The following MED21 variants were observed in gnomAD, a reference collection of about 807,000 sequenced individuals.
The protein encoded by MED21 is mediator of RNA polymerase II transcription subunit 21.
MED21 carries 9 observed loss-of-function variants against 18.2 expected under a neutral mutation model. The ratio of observed to expected loss-of-function variants is 0.49; its 90% CI spans 0.30 to 0.86. The LOEUF (loss-of-function observed/expected upper bound fraction) is 0.86, where lower values mean the gene tolerates loss of function less well. MED21 is among the 40% of genes least tolerant of loss of function. The pLI, the probability that MED21 is intolerant of heterozygous loss-of-function variation, is 0.07. For synonymous variants in MED21, 73 were observed against 60.5 expected (o/e 1.21, Z -0.96); for missense variants, 150 against 170.9 (o/e 0.88, Z 0.68).
intron 1 of MED21, among the ~76,000 whole-genome samples, chr12:27,023,593 G>A (rs1322145149): frequency 6.6e-6 from 1 of 151,902 alleles, no homozygotes; most frequent in Non-Finnish European, 1.5e-5. Context: ...CACCGTGCCC[G>A]GCCTACAAGT....
Position 27,026,540 on chromosome 12 carries a change from CAGGTTTTCTT to C in MED21, c.157+9_157+18del. 6.3e-7 allele frequency: 1 copy of C among 1,585,006 alleles called. No homozygotes were observed. Among genetic ancestry groups the C allele is most frequent in the Non-Finnish European group, 8.7e-7 (1 of 1,154,676 alleles). ...GCCAGCTAACCCTACAGAAGGTAAA[CAGGTTTTCTT>C]AGCTTCTCTTAGTTTGACTCTCACA... On this transcript the variant is annotated splice_region_variant and intron_variant, in intron 2 of 3. Transcript: ENST00000282892.
rs1164187937 is a variant in MED21, at chr12:27,029,623, T to C, written c.*1162T>C. The C allele has an allele frequency of 1.5e-5, 15 of 985,322 alleles. No homozygotes were observed. The highest frequency in any genetic ancestry group is 1.7e-5 in the African/African-American group (1 of 57,254). 61.0% of individuals were successfully genotyped at this position (985,322 alleles called of 1,614,324 possible). A position where few individuals can be genotyped will look rare whatever the true frequency, so the allele number is the denominator to read the frequency against. The stretch of plus-strand genomic sequence containing the variant: ...TTTCCACAGTTCTTGAAAAGTACTA[T>C]GTTTCAAATTTCAGGAACACCAGCG... On this transcript the variant is annotated 3_prime_UTR_variant, in exon 4 of 4. Coordinates refer to ENST00000282892, the MANE Select transcript of MED21 (RefSeq NM_004264.5).
chr12:27,035,629 C>T (rs1423419080), downstream of MED21, among the ~76,000 whole-genome samples: 1 of 139,654 alleles, frequency 7.2e-6, no homozygotes, highest in African/African-American at 2.7e-5. Context: ...TGATGTTCCC[C>T]TTCCTGTGTC....
Position 27,022,574 on chromosome 12 carries a change from A to G in MED21, c.-6A>G, listed in dbSNP as rs757778090. 5 of 1,546,430 alleles carry G rather than the reference A, an allele frequency of 3.2e-6. No individual in the cohort carries two copies. In the South Asian group the frequency reaches 3.5e-5, roughly 11 times the overall value. ...TGTTTTGGCGTCTGTTTGCTGCGGT[A>G]GGAACATGGCGGATCGGCTCACGCA... On this transcript the variant is annotated 5_prime_UTR_variant, in exon 1 of 4. Coordinates refer to ENST00000282892, the MANE Select transcript of MED21 (RefSeq NM_004264.5).
At chr12:27,038,079 C>G (rs1276184859) in intron 2 of MED21, 1 of 152,092 alleles carries the variant, frequency 6.6e-6, no homozygotes, top group Non-Finnish European at 1.5e-5. Flanking sequence ...CACATCTACT[C>G]ATCTTTAAGC....
In MED21 at chr12:27,029,418, T is replaced by C; in HGVS notation, c.*957T>C. ...GATCTCTTTGAGTCTACTGATAATC[T>C]CCACTGGAAAGGTGGAATTGAAATG... On this transcript the variant is annotated 3_prime_UTR_variant, in exon 4 of 4. Coordinates refer to ENST00000282892, the MANE Select transcript of MED21 (RefSeq NM_004264.5). 4 of 985,460 alleles carry C rather than the reference T, an allele frequency of 4.1e-6. No individual in the cohort carries two copies. Among genetic ancestry groups the C allele is most frequent in the Non-Finnish European group, 4.8e-6 (4 of 829,924 alleles). 61.0% of individuals were successfully genotyped at this position (985,460 alleles called of 1,614,324 possible).
chr12:27,037,586 C>G (rs1941657490), intron 2 of MED21: 1 of 152,138 alleles, frequency 6.6e-6, no homozygotes, highest in Admixed American at 6.5e-5. Context: ...AAATTAGAGA[C>G]AGTGGGTATT....
intron 1 of MED21, chr12:27,023,005 C>T (rs947820524): frequency 2.5e-6 from 2 of 801,232 alleles, no homozygotes; most frequent in South Asian, 2.5e-5. Flanking sequence ...TTTTTTCTTT[C>T]CTCATCAATT....
chr12:27,036,842 C>A (rs1403327611), intron 2 of MED21, among the ~76,000 whole-genome samples: 2 of 152,086 alleles, frequency 1.3e-5, no homozygotes, highest in Non-Finnish European at 2.9e-5. Flanking sequence ...GTTACTGTAG[C>A]CTTGTAGTAT....
At chr12:27,024,293 GT>G (rs142775396) in intron 1 of MED21, among the ~76,000 whole-genome samples, 97 of 150,474 alleles carry the variant, frequency 6.4e-4, no homozygotes, top group Non-Finnish European at 1.2e-3. Flanking sequence ...TTCCTTGCCA[GT>G]TTTTTTTTTC....
At position 27,030,121 on chromosome 12, in the gene MED21, A is replaced by AGT. The variant is rs1321841583; in HGVS notation, c.*1661_*1662dup. On this transcript the variant is annotated 3_prime_UTR_variant, in exon 4 of 4. Transcript: ENST00000282892. ...ATGTGATTCTCTGTAGAGGATATAC[A>AGT]GTTTTTTTTTGTTGTTCTTGTTTCT... 1 of 607,798 alleles carries AGT rather than the reference A, an allele frequency of 1.6e-6. No homozygotes were observed. The allele number at this position is 607,798 out of a possible 1,614,324, so 37.7% of individuals were successfully genotyped here.
chr12:27,025,411 T>C (rs898756895), intron 1 of MED21, among the ~76,000 whole-genome samples: 2 of 152,214 alleles, frequency 1.3e-5, no homozygotes, highest in African/African-American at 4.8e-5. Flanking sequence ...GTTGGAGATT[T>C]ATCTTGAAGA....
Position 27,026,656 on chromosome 12 carries a change from T to C in MED21, c.157+122T>C, listed in dbSNP as rs934153995. The C allele has an allele frequency of 5.2e-6, 4 of 762,204 alleles. No homozygotes were observed. The African/African-American group carries it at 5.4e-5, about 10-fold the overall frequency. The allele number at this position is 762,204 out of a possible 1,614,324, so 47.2% of individuals were successfully genotyped here. A position where few individuals can be genotyped will look rare whatever the true frequency, so the allele number is the denominator to read the frequency against. ...TAAAATTATTGTTGTTTGAGAATAT[T>C]ACAAGTTTTGTTTGTTGTAAAAAAT... On this transcript the variant is annotated intron_variant, in intron 2 of 3. Transcript: ENST00000282892.
At position 27,023,592 on chromosome 12, in the gene MED21, C is replaced by T. The variant is rs984941820; in HGVS notation, c.42+971C>T. On this transcript the variant is annotated intron_variant, in intron 1 of 3. Coordinates refer to ENST00000282892, the MANE Select transcript of MED21 (RefSeq NM_004264.5). ...GATTACAGGTGTGAGCCACCGTGCC[C>T]GGCCTACAAGTCCTTTTTAATGTCT... Among the ~76,000 whole-genome samples, 20 of 152,096 alleles carry T rather than the reference C, an allele frequency of 1.3e-4. 1 individual carries two copies. Among genetic ancestry groups the T allele is most frequent in the Admixed American group, 9.8e-4 (15 of 15,280 alleles).
In MED21 at chr12:27,036,081, A is replaced by C. The variant is rs187085736; in HGVS notation, n.146+8634A>C. The stretch of plus-strand genomic sequence containing the variant: ...TAGTGTAAAACTATTCCTATTTCTC[A>C]ACATCCTCTCCAGCACCTGTTGTTT... On this transcript the variant is annotated intron_variant and non_coding_transcript_variant, in intron 2 of 4. Transcript: ENST00000538186. Among the ~76,000 whole-genome samples, 363 of 152,208 alleles carry C rather than the reference A, an allele frequency of 2.4e-3. 1 individual carries two copies. The highest frequency in any genetic ancestry group is 8.0e-3 in the African/African-American group (331 of 41,526).
In MED21 at chr12:27,028,570, T is replaced by G; in HGVS notation, c.*109T>G. The G allele has an allele frequency of 7.1e-7, 1 of 1,417,608 alleles. No homozygotes were observed. Among genetic ancestry groups the G allele is most frequent in the Non-Finnish European group, 9.2e-7 (1 of 1,081,290 alleles). 87.8% of individuals were successfully genotyped at this position (1,417,608 alleles called of 1,614,324 possible). A position where few individuals can be genotyped will look rare whatever the true frequency, so the allele number is the denominator to read the frequency against. ...CAACAATTACAGAAACATTAAACAC[T>G]ATGACACATTACCTTTTTAGCTATT... On this transcript the variant is annotated 3_prime_UTR_variant, in exon 4 of 4. Coordinates refer to ENST00000282892, the MANE Select transcript of MED21 (RefSeq NM_004264.5).
Position 27,030,246 on chromosome 12 carries a change from C to T in MED21, c.*1785C>T. 1.6e-6 allele frequency: 1 copy of T among 620,172 alleles called. No individual in the cohort carries two copies. Among genetic ancestry groups the T allele is most frequent in the Admixed American group, 2.4e-5 (1 of 41,108 alleles). 38.4% of individuals were successfully genotyped at this position (620,172 alleles called of 1,614,324 possible). Reference sequence around the variant, plus strand: ...CTGGGTTCAGGTGATCCTCCCACTTCAGCCTCTTCAGTAACTGGGACTACA... The same window carrying T: ...CTGGGTTCAGGTGATCCTCCCACTTTAGCCTCTTCAGTAACTGGGACTACA... On this transcript the variant is annotated 3_prime_UTR_variant, in exon 4 of 4. Coordinates refer to ENST00000282892, the MANE Select transcript of MED21 (RefSeq NM_004264.5).
rs1346655340 is a variant in MED21 at position 27,029,391 on chromosome 12, T to G, written c.*930T>G. ...CAACTATGGTTATTCATCCAACCCT[T>G]GGATCTCTTTGAGTCTACTGATAAT... On this transcript the variant is annotated 3_prime_UTR_variant, in exon 4 of 4. Transcript: ENST00000282892. The G allele has an allele frequency of 1.5e-5, 15 of 985,328 alleles. No homozygotes were observed. Among genetic ancestry groups the G allele is most frequent in the Non-Finnish European group, 1.8e-5 (15 of 829,920 alleles). 61.0% of individuals were successfully genotyped at this position (985,328 alleles called of 1,614,324 possible).
downstream of MED21, among the ~76,000 whole-genome samples, chr12:27,034,169 A>G (rs2054261688): frequency 6.6e-6 from 1 of 152,200 alleles, no homozygotes; most frequent in Admixed American, 6.5e-5. Context: ...TAGTCCCAGC[A>G]CTTTGGGAGG....
Sources: allele counts gnomAD v4.1 joint callset (sites outside exome capture counted in the v4.1 genomes callset), GRCh38; gene constraint gnomAD v4.1.1; transcripts MANE v1.5; gene names NCBI Gene and HGNC (gene_info 2026-07-23, HGNC 2026-07-21).